The following ZNF521 variants were observed in gnomAD, a reference collection of about 807,000 sequenced individuals.
ZNF521 encodes the protein zinc finger protein 521.
A neutral mutation model predicts 105.5 loss-of-function variants in ZNF521; 14 were observed. The ratio of observed to expected loss-of-function variants is 0.13; its 90% CI spans 0.09 to 0.21. The LOEUF (loss-of-function observed/expected upper bound fraction) is 0.21, where lower values mean the gene tolerates loss of function less well. Among genes scored for constraint, ZNF521 ranks in the 10% least tolerant of loss-of-function variants. ZNF521 has a pLI of 1.00. For synonymous variants in ZNF521, 635 were observed against 606.0 expected, an observed-to-expected ratio of 1.05 and a Z score of -0.70; for missense variants, 1,233 against 1,629.7, an observed-to-expected ratio of 0.76 and a Z score of 4.19.
chr18:25,094,507 C>T (rs2033812186), intron 5 of ZNF521, among the ~76,000 whole-genome samples: 1 of 152,012 alleles, frequency 6.6e-6, no homozygotes, highest in South Asian at 2.1e-4. Context: ...TGTGAAAGCG[C>T]TAAGTGACAG....
At chr18:25,216,535 A>G (rs1162940373) in intron 4 of ZNF521, among the ~76,000 whole-genome samples, 1 of 152,192 alleles carries the variant, frequency 6.6e-6, no homozygotes, top group African/African-American at 2.4e-5. Context: ...ATGGGCATTC[A>G]GAGATGAGAA....
chr18:25,321,641 G>A (rs1912939070), intron 3 of ZNF521, among the ~76,000 whole-genome samples: 1 of 152,170 alleles, frequency 6.6e-6, no homozygotes, highest in Non-Finnish European at 1.5e-5. Flanking sequence ...TTCAGGAAGT[G>A]TTATCTAAGC....
intron 2 of ZNF521, among the ~76,000 whole-genome samples, chr18:25,338,216 G>A (rs912430721): frequency 9.3e-5 from 14 of 150,192 alleles, no homozygotes; most frequent in South Asian, 2.1e-4. Context: ...ACAGAATTAC[G>A]TGGATGGTTA....
intron 5 of ZNF521, among the ~76,000 whole-genome samples, chr18:25,117,369 C>G (rs535366088): frequency 2.0e-5 from 3 of 151,942 alleles, no homozygotes; most frequent in South Asian, 2.1e-4. Context: ...CAGAATCCAT[C>G]GTATCCACAA....
chr18:25,333,380 C>T (rs1223630604), intron 2 of ZNF521, among the ~76,000 whole-genome samples: 1 of 151,340 alleles, frequency 6.6e-6, no homozygotes, highest in East Asian at 1.9e-4. Flanking sequence ...AGCATATTCT[C>T]AGAGGGTGGG....
chr18:25,272,533 C>T (rs1359043526), intron 3 of ZNF521, among the ~76,000 whole-genome samples: 1 of 152,052 alleles, frequency 6.6e-6, no homozygotes, highest in Non-Finnish European at 1.5e-5. Flanking sequence ...CAAGGATAGA[C>T]TGGATGAAGA....
At chr18:25,191,209 C>G (rs537803588) in intron 5 of ZNF521, among the ~76,000 whole-genome samples, 17 of 152,162 alleles carry the variant, frequency 1.1e-4, no homozygotes, top group Non-Finnish European at 1.9e-4. Context: ...ATTAAGTAAC[C>G]ATTTCTAAGT....
chr18:25,176,612 C>T (rs991157323), intron 5 of ZNF521, among the ~76,000 whole-genome samples: 2 of 152,268 alleles, frequency 1.3e-5, no homozygotes, highest in Non-Finnish European at 2.9e-5. Context: ...AGGAGAGGGA[C>T]TCAGCATTTG....
chr18:25,118,147 T>C (rs1385751634), intron 5 of ZNF521, among the ~76,000 whole-genome samples: 1 of 152,046 alleles, frequency 6.6e-6, no homozygotes, highest in East Asian at 1.9e-4. Flanking sequence ...CTTTAAGGTA[T>C]TAAAATACTA....
chr18:25,299,634 G>A (rs1043173552), intron 3 of ZNF521, among the ~76,000 whole-genome samples: 3 of 152,140 alleles, frequency 2.0e-5, no homozygotes, highest in African/African-American at 7.2e-5. Flanking sequence ...GTTGACTAAT[G>A]CTTCTTTTAT....
chr18:25,212,997 T>G lies in ZNF521; in HGVS notation c.3573+11348A>C, dbSNP rs553766230. Among the ~76,000 whole-genome samples, 37 of 151,698 alleles carry G rather than the reference T, an allele frequency of 2.4e-4. No homozygotes were observed. In the South Asian group the frequency reaches 5.6e-3, roughly 23 times the overall value. On this transcript the variant is annotated intron_variant, in intron 4 of 7. Coordinates refer to ENST00000361524, the MANE Select transcript of ZNF521 (RefSeq NM_015461.3). ...ATATTACCTGTATATGACATTATAA[T>G]CTGTATATTTTCAATTTTTGTGCTA...
At chr18:25,092,775 A>G (rs2033773162) in intron 5 of ZNF521, among the ~76,000 whole-genome samples, 1 of 152,198 alleles carries the variant, frequency 6.6e-6, no homozygotes. Context: ...TTTTTCTTGG[A>G]TATCTTAAGA....
At chr18:25,272,077 AC>A (rs1367415881) in intron 3 of ZNF521, among the ~76,000 whole-genome samples, 1 of 152,176 alleles carries the variant, frequency 6.6e-6, no homozygotes, top group Non-Finnish European at 1.5e-5. Flanking sequence ...GAAAAAAACA[AC>A]CCCATCAAAA....
chr18:25,232,806 T>A (rs45476091), intron 3 of ZNF521, among the ~76,000 whole-genome samples: 38 of 151,818 alleles, frequency 2.5e-4, no homozygotes, highest in Non-Finnish European at 4.9e-4. Flanking sequence ...ATTCAGTAAA[T>A]TTTTTTTTGA....
At chr18:25,200,609 T>C (rs1363151294) in intron 4 of ZNF521, among the ~76,000 whole-genome samples, 1 of 152,128 alleles carries the variant, frequency 6.6e-6, no homozygotes, top group Non-Finnish European at 1.5e-5. Flanking sequence ...AGCCTCTCAG[T>C]CTATCCTCCA....
At chr18:25,169,241 C>T (rs1001316186) in intron 5 of ZNF521, among the ~76,000 whole-genome samples, 1 of 152,120 alleles carries the variant, frequency 6.6e-6, no homozygotes. Flanking sequence ...CTATTATTTT[C>T]CTATTGCTTT....
At chr18:25,236,264 G>A (rs1216581925) in intron 3 of ZNF521, among the ~76,000 whole-genome samples, 5 of 152,178 alleles carry the variant, frequency 3.3e-5, no homozygotes, top group Admixed American at 2.6e-4. Flanking sequence ...GGCTGGGCGC[G>A]GTGGCTCACG....
intron 5 of ZNF521, among the ~76,000 whole-genome samples, chr18:25,174,515 T>C (rs755496850): frequency 6.6e-6 from 1 of 152,140 alleles, no homozygotes; most frequent in Admixed American, 6.5e-5. Flanking sequence ...CAGCGAGTGT[T>C]TGGATTGGTT....
At chr18:25,351,880 G>GGCGGTGGCAGCA (rs1555669410) in intron 1 of ZNF521, 125 bp downstream of exon 1, 33 of 271,624 alleles carry the variant, frequency 1.2e-4, no homozygotes, top group South Asian at 1.0e-3. Flanking sequence ...CCTCGGCAGC[G>GGCGGTGGCAGCA]GCGGCGGCAG....
Sources: allele counts gnomAD v4.1 joint callset (sites outside exome capture counted in the v4.1 genomes callset), GRCh38; gene constraint gnomAD v4.1.1; transcripts MANE v1.5; gene names NCBI Gene and HGNC (gene_info 2026-07-23, HGNC 2026-07-21).